The following HEATR4 variants were observed in gnomAD, a reference collection of about 807,000 sequenced individuals.
HEATR4 encodes the protein HEAT repeat-containing protein 4.
A neutral mutation model predicts 108.8 loss-of-function variants in HEATR4; 95 were observed. That is an observed-to-expected ratio of 0.87 (90% CI 0.74 to 1.04). The LOEUF (loss-of-function observed/expected upper bound fraction) is 1.04. HEATR4 is among the 50% of genes least tolerant of loss of function. The pLI is 0.00. For synonymous variants in HEATR4, 443 were observed against 459.4 expected (o/e 0.96, Z 0.46); for missense variants, 1,152 against 1,253.8 (o/e 0.92, Z 1.23).
chr14:73,616,698 AAT>A, the HEATR4 span: 9 of 207,966 alleles, frequency 4.3e-5, no homozygotes, highest in Non-Finnish European at 6.6e-5. Flanking sequence ...GTCAAAAAAA[AAT>A]TTTTTTTTTA....
At chr14:73,538,078 C>A (rs1400556500) in intron 1 of HEATR4, among the ~76,000 whole-genome samples, 1 of 113,762 alleles carries the variant, frequency 8.8e-6, no homozygotes, top group Non-Finnish European at 1.9e-5. Context: ...CCTCCCGCCT[C>A]TGCCTCCCCA....
rs376386314 is a variant in HEATR4 at position 73,546,659 on chromosome 14, C to T, written c.-152+12092G>A. Among the ~76,000 whole-genome samples, 7 of 115,258 alleles carry T rather than the reference C, an allele frequency of 6.1e-5. 1 individual carries two copies. Among genetic ancestry groups the T allele is most frequent in the African/African-American group, 1.9e-4 (7 of 35,966 alleles). 75.6% of individuals were successfully genotyped at this position (115,258 alleles called of 152,430 possible). A position where few individuals can be genotyped will look rare whatever the true frequency, so the allele number is the denominator to read the frequency against. ...GATTATAGGCATGAGCAACCGGGCC[C>T]AGCCTAGTTAGTCTTTATTAGTTAT... On this transcript the variant is annotated intron_variant, in intron 1 of 17. Coordinates refer to ENST00000553558, the MANE Select transcript of HEATR4 (RefSeq NM_001220484.1).
At chr14:73,560,316 C>A (rs529756073), upstream of HEATR4, among the ~76,000 whole-genome samples, 1 of 152,164 alleles carries the variant, frequency 6.6e-6, no homozygotes, top group South Asian at 2.1e-4. Context: ...GCTCAAGCTG[C>A]ACTCAGATGG....
At chr14:73,482,116 T>G (rs1298057139) in intron 17 of HEATR4, among the ~76,000 whole-genome samples, 2 of 152,180 alleles carry the variant, frequency 1.3e-5, no homozygotes, top group Non-Finnish European at 2.9e-5. Context: ...CCGGGCACAC[T>G]GGCTCACGCC....
chr14:73,574,035 TA>T, the HEATR4 span, among the ~76,000 whole-genome samples: 2 of 53,306 alleles, frequency 3.8e-5, no homozygotes, highest in Non-Finnish European at 6.1e-5. Flanking sequence ...CTAATATTTG[TA>T]TTTTTTTTTT....
chr14:73,590,583 G>A, the HEATR4 span, among the ~76,000 whole-genome samples: 1 of 152,226 alleles, frequency 6.6e-6, no homozygotes, highest in East Asian at 1.9e-4. Flanking sequence ...GCGGGGGCGG[G>A]GGCTCAGGCA....
chr14:73,562,482 A>G (rs1325379016), upstream of HEATR4, among the ~76,000 whole-genome samples: 1 of 152,050 alleles, frequency 6.6e-6, no homozygotes, highest in East Asian at 1.9e-4. Flanking sequence ...AGCGATTTTT[A>G]TGGAACAAGG....
At chr14:73,614,738 C>A in the HEATR4 span, among the ~76,000 whole-genome samples, 1 of 112,840 alleles carries the variant, frequency 8.9e-6, no homozygotes, top group African/African-American at 3.8e-5. Context: ...CAGAGCGAGA[C>A]CCTGTCTCAA....
intron 17 of HEATR4, 94 bp from the exon 18 acceptor site, chr14:73,478,936 C>A: frequency 2.2e-6 from 2 of 897,392 alleles, no homozygotes; most frequent in Non-Finnish European, 1.7e-6. Flanking sequence ...TATAGGGTGT[C>A]TCCTTTTTTT....
intron 1 of HEATR4, chr14:73,541,758 T>G: frequency 9.0e-7 from 1 of 1,114,796 alleles, no homozygotes; most frequent in South Asian, 1.4e-5. Flanking sequence ...ATGGTCTGGG[T>G]TTTCACAGAA....
intron 1 of HEATR4, among the ~76,000 whole-genome samples, chr14:73,551,985 GA>G (rs1889332199): frequency 8.9e-6 from 1 of 112,648 alleles, no homozygotes; most frequent in African/African-American, 2.9e-5. Context: ...CCTCAGAGAA[GA>G]ATCATGAGAA....
chr14:73,513,784 GTGT>G (rs1887420088), intron 6 of HEATR4, among the ~76,000 whole-genome samples: 1 of 144,268 alleles, frequency 6.9e-6, no homozygotes, highest in Admixed American at 7.0e-5. Context: ...AGAGTCTGCA[GTGT>G]AATAATGAGT....
chr14:73,619,377 G>C, the HEATR4 span: 2 of 1,614,084 alleles, frequency 1.2e-6, no homozygotes, highest in Non-Finnish European at 1.7e-6. Flanking sequence ...TACATTACAA[G>C]GATATGATTA....
chr14:73,597,283 G>A, the HEATR4 span, among the ~76,000 whole-genome samples: 3 of 150,704 alleles, frequency 2.0e-5, no homozygotes, highest in Admixed American at 6.6e-5. Flanking sequence ...ACAGGGTTTC[G>A]CCATGTTAGC....
At chr14:73,529,613 T>C (rs1888583601) in intron 2 of HEATR4, among the ~76,000 whole-genome samples, 1 of 152,078 alleles carries the variant, frequency 6.6e-6, no homozygotes, top group South Asian at 2.1e-4. Context: ...CAACTCAAAA[T>C]GGGTAGTATC....
chr14:73,506,804 G>GGTTTTTTT (rs1555390529), intron 9 of HEATR4, among the ~76,000 whole-genome samples: 1 of 80,522 alleles, frequency 1.2e-5, no homozygotes, highest in Non-Finnish European at 2.2e-5. Context: ...GACTTTAACT[G>GGTTTTTTT]TTTTTTTTTT....
At chr14:73,629,981 T>C in the HEATR4 span, among the ~76,000 whole-genome samples, 1 of 149,370 alleles carries the variant, frequency 6.7e-6, no homozygotes, top group South Asian at 2.1e-4. Flanking sequence ...TTAAATTGGC[T>C]CCACCGCATT....
At chr14:73,624,010 G>A in the HEATR4 span, among the ~76,000 whole-genome samples, 1 of 152,104 alleles carries the variant, frequency 6.6e-6, no homozygotes, top group Non-Finnish European at 1.5e-5. Flanking sequence ...TTTTTGGCCA[G>A]GGCCAGTGGC....
At chr14:73,499,937 CATG>C (rs1886335933) in intron 12 of HEATR4, among the ~76,000 whole-genome samples, 2 of 152,120 alleles carry the variant, frequency 1.3e-5, no homozygotes, top group South Asian at 4.2e-4. Flanking sequence ...TTTCTTAAAA[CATG>C]AGATTTATGC....
Sources: allele counts gnomAD v4.1 joint callset (sites outside exome capture counted in the v4.1 genomes callset), GRCh38; gene constraint gnomAD v4.1.1; transcripts MANE v1.5; gene names NCBI Gene and HGNC (gene_info 2026-07-23, HGNC 2026-07-21).